The following ARHGAP6 variants were observed in gnomAD, a reference collection of about 807,000 sequenced individuals.
ARHGAP6 encodes the protein rho GTPase-activating protein 6.
In ARHGAP6, 16 loss-of-function variants were observed where a neutral mutation model predicts 55.7. The ratio of observed to expected loss-of-function variants is 0.29; its 90% CI spans 0.19 to 0.44. The LOEUF is 0.44. ARHGAP6 is among the 20% of genes least tolerant of loss of function. ARHGAP6 has a pLI of 1.00. For missense variants in ARHGAP6, 698 were observed against 808.9 expected, an observed-to-expected ratio of 0.86 and a Z score of 1.66; for synonymous variants, 382 against 360.9, an observed-to-expected ratio of 1.06 and a Z score of -0.66.
At chrX:11,139,747 T>C (rs2045593716) in intron 12 of ARHGAP6, among the ~76,000 whole-genome samples, 2 of 112,078 alleles carry the variant, frequency 1.8e-5, no homozygotes, top group Admixed American at 9.4e-5. Context: ...GCTCAATTCA[T>C]ATGCCTAGAC....
chrX:11,264,022 G>C (rs888708449), intron 1 of ARHGAP6, among the ~76,000 whole-genome samples: 1 of 111,337 alleles, frequency 9.0e-6, no homozygotes, highest in African/African-American at 3.3e-5. Context: ...TTGCAGAGTT[G>C]AGTTGTTGCA....
chrX:11,358,780 C>A (rs1265782736), intron 1 of ARHGAP6, among the ~76,000 whole-genome samples: 1 of 111,723 alleles, frequency 9.0e-6, no homozygotes, highest in African/African-American at 3.3e-5. Context: ...CCGTGCCCGG[C>A]CTTAACTATA....
chrX:11,196,097 G>A (rs2046536325), intron 3 of ARHGAP6, among the ~76,000 whole-genome samples: 1 of 108,088 alleles, frequency 9.3e-6, no homozygotes, highest in African/African-American at 3.4e-5. Flanking sequence ...TCGTGCCACT[G>A]CACTCCAGCC....
At chrX:11,547,188 A>C (rs774216629) in intron 1 of ARHGAP6, among the ~76,000 whole-genome samples, 4 of 112,573 alleles carry the variant, frequency 3.6e-5, no homozygotes, top group Non-Finnish European at 7.5e-5. Context: ...CAAGGGAAGA[A>C]TGTGCTAGAT....
At chrX:11,253,998 T>C (rs189544824) in intron 2 of ARHGAP6, among the ~76,000 whole-genome samples, 1 of 111,549 alleles carries the variant, frequency 9.0e-6, no homozygotes, top group Admixed American at 9.5e-5. Context: ...GTCTCATCTT[T>C]ACTGGAATCA....
At chrX:11,360,134 G>T (rs1489973945) in intron 1 of ARHGAP6, among the ~76,000 whole-genome samples, 4 of 111,613 alleles carry the variant, frequency 3.6e-5, no homozygotes, top group Non-Finnish European at 7.5e-5. Flanking sequence ...CAAAAAGAGG[G>T]AATCCTCCCT....
chrX:11,422,372 G>A, intron 1 of ARHGAP6, among the ~76,000 whole-genome samples: 1 of 111,715 alleles, frequency 9.0e-6, no homozygotes, highest in East Asian at 2.8e-4. Context: ...GCACAGATGT[G>A]GCCAGGCAAT....
intron 1 of ARHGAP6, among the ~76,000 whole-genome samples, chrX:11,490,531 G>A (rs2050557025): frequency 8.9e-6 from 1 of 111,926 alleles, no homozygotes; most frequent in Non-Finnish European, 1.9e-5. Flanking sequence ...TTGGACTCCT[G>A]ACCTATGGAA....
At chrX:11,490,047 C>T (rs974027002) in intron 1 of ARHGAP6, among the ~76,000 whole-genome samples, 5 of 111,314 alleles carry the variant, frequency 4.5e-5, no homozygotes, top group African/African-American at 1.6e-4. Flanking sequence ...ACCAGAAATA[C>T]GGGTGGCAGA....
At chrX:11,416,763 C>CCTT (rs749404939) in intron 1 of ARHGAP6, among the ~76,000 whole-genome samples, 4 of 110,036 alleles carry the variant, frequency 3.6e-5, no homozygotes, top group South Asian at 8.0e-4. Context: ...TCGTGTTTAT[C>CCTT]CTTGTTCGTA....
At chrX:11,153,970 C>G (rs1294470956) in intron 10 of ARHGAP6, among the ~76,000 whole-genome samples, 1 of 109,992 alleles carries the variant, frequency 9.1e-6, no homozygotes, top group African/African-American at 3.3e-5. Context: ...CCCCTCCCCC[C>G]ATCCCACAAC....
intron 1 of ARHGAP6, among the ~76,000 whole-genome samples, chrX:11,527,305 G>T (rs1234553435): frequency 9.0e-6 from 1 of 111,632 alleles, no homozygotes; most frequent in African/African-American, 3.3e-5. Context: ...TATGTATAAA[G>T]ATTTCAAATA....
chrX:11,166,888 C>G lies in ARHGAP6; in HGVS notation c.1809+2617G>C, dbSNP rs148978604. Reference sequence around the variant, plus strand: ...CCAGAGTCAGTTTCTTTTCATAGACCAAGACTTGAGATATTTGTCTCCCTC... The same window carrying G: ...CCAGAGTCAGTTTCTTTTCATAGACGAAGACTTGAGATATTTGTCTCCCTC... On this transcript the variant is annotated intron_variant, in intron 9 of 12. Coordinates refer to ENST00000337414, the MANE Select transcript of ARHGAP6 (RefSeq NM_013427.3). Among the ~76,000 whole-genome samples the G allele has an allele frequency of 3.1e-3, 350 of 111,510 alleles. 4 individuals carry two copies. The highest frequency in any genetic ancestry group is 0.011 in the African/African-American group (335 of 30,676).
intron 1 of ARHGAP6, among the ~76,000 whole-genome samples, chrX:11,492,350 A>C (rs761396626): frequency 8.9e-6 from 1 of 112,108 alleles, no homozygotes; most frequent in African/African-American, 3.2e-5. Context: ...CCCTAGAAGA[A>C]AACCTAGGCA....
intron 1 of ARHGAP6, among the ~76,000 whole-genome samples, chrX:11,440,919 G>A (rs182233302): frequency 1.8e-5 from 2 of 111,764 alleles, no homozygotes; most frequent in Non-Finnish European, 1.9e-5. Flanking sequence ...ATCATTCATC[G>A]GGCCCAGATT....
intron 2 of ARHGAP6, among the ~76,000 whole-genome samples, chrX:11,249,997 CATT>C (rs1470164092): frequency 1.8e-5 from 2 of 111,759 alleles, no homozygotes; most frequent in African/African-American, 6.5e-5. Context: ...ATGATTGTCT[CATT>C]ATCTCAAATA....
intron 3 of ARHGAP6, among the ~76,000 whole-genome samples, chrX:11,191,187 C>T (rs2046455718): frequency 8.9e-6 from 1 of 112,417 alleles, no homozygotes; most frequent in Non-Finnish European, 1.9e-5. Flanking sequence ...CTTAGAATGG[C>T]TAGGATGCAA....
intron 1 of ARHGAP6, among the ~76,000 whole-genome samples, chrX:11,447,962 T>C (rs66989301): frequency 0.13 from 14,025 of 111,875 alleles, 786 homozygotes; most frequent in Admixed American, 0.21. Context: ...GACAGCTGTG[T>C]TAAAACACTT....
At chrX:11,354,369 C>T (rs2048908497) in intron 1 of ARHGAP6, among the ~76,000 whole-genome samples, 1 of 80,758 alleles carries the variant, frequency 1.2e-5, no homozygotes, top group Non-Finnish European at 2.3e-5. Flanking sequence ...TCATCAGCAT[C>T]ATCATAATCA....
Sources: gnomAD v4.1 joint callset for allele counts (sites outside exome capture counted in the v4.1 genomes callset) on GRCh38, gnomAD v4.1.1 for gene constraint, MANE v1.5 for transcripts, NCBI Gene and HGNC (gene_info 2026-07-23, HGNC 2026-07-21) for gene names.